LGI2: variants seen among roughly 807,000 people sequenced by gnomAD.
LGI2 encodes the protein leucine rich repeat LGI family member 2.
In LGI2, 30 loss-of-function variants were observed where a neutral mutation model predicts 52.0. The observed-to-expected ratio is 0.58, with a 90% CI of 0.43 to 0.78. The LOEUF (loss-of-function observed/expected upper bound fraction) is 0.78, where lower values mean the gene tolerates loss of function less well. Among genes scored for constraint, LGI2 ranks in the 30% least tolerant of loss-of-function variants. The pLI is 0.00. For synonymous variants in LGI2, 270 were observed against 271.8 expected (o/e 0.99, Z 0.06); for missense variants, 573 against 692.5 (o/e 0.83, Z 1.94).
chr4:25,028,959 T>G (rs1205173993), intron 1 of LGI2, among the ~76,000 whole-genome samples: 1 of 152,220 alleles, frequency 6.6e-6, no homozygotes, highest in Non-Finnish European at 1.5e-5. Context: ...TGTTGGCCTA[T>G]GAAATGCTGG....
rs140880706 is a variant in LGI2, at chr4:25,013,019, C to A, written c.656-520G>T. Among the ~76,000 whole-genome samples the A allele has an allele frequency of 4.7e-3, 717 of 152,286 alleles. 10 individuals are homozygous for A. Among genetic ancestry groups the A allele is most frequent in the African/African-American group, 0.016 (668 of 41,562 alleles). ...CCTTTATCTCCAGTTCTTATAAACCCTAGCTCGGGATTACCTGTCAGCAGA... is the reference window on the plus strand; with the variant it reads ...CCTTTATCTCCAGTTCTTATAAACCATAGCTCGGGATTACCTGTCAGCAGA... On this transcript the variant is annotated intron_variant, in intron 6 of 7. Transcript: ENST00000382114.
intron 4 of LGI2, among the ~76,000 whole-genome samples, chr4:25,021,307 T>C (rs1725949663): frequency 6.6e-6 from 1 of 152,242 alleles, no homozygotes; most frequent in Non-Finnish European, 1.5e-5. Context: ...TTGGGCTTCA[T>C]GGGACTGCTG....
chr4:25,012,560 A>G (rs1725624361), intron 6 of LGI2, 61 bp from the exon 7 acceptor site: 1 of 1,552,998 alleles, frequency 6.4e-7, no homozygotes, highest in Non-Finnish European at 8.8e-7. Flanking sequence ...ATTATCAACC[A>G]CCATCACCGT....
intron 6 of LGI2, among the ~76,000 whole-genome samples, chr4:25,017,647 C>T (rs771859937): frequency 6.6e-6 from 1 of 151,600 alleles, no homozygotes; most frequent in Non-Finnish European, 1.5e-5. Context: ...TAATCTAAGC[C>T]TCCCTGCAGT....
the LGI2 span, among the ~76,000 whole-genome samples, chr4:24,993,732 A>T: frequency 4.0e-4 from 61 of 152,216 alleles, no homozygotes; most frequent in Non-Finnish European, 8.1e-4. Flanking sequence ...GGCCAGCATG[A>T]CTATAAATCA....
intron 5 of LGI2, among the ~76,000 whole-genome samples, chr4:25,018,717 C>G (rs919818615): frequency 6.6e-6 from 1 of 152,094 alleles, no homozygotes; most frequent in African/African-American, 2.4e-5. Context: ...CAAAAATTAG[C>G]TGGGGGTAGT....
intron 7 of LGI2, among the ~76,000 whole-genome samples, chr4:25,005,791 G>A (rs1238057661): frequency 6.6e-6 from 1 of 152,114 alleles, no homozygotes; most frequent in East Asian, 1.9e-4. Flanking sequence ...AGAAAGAGTA[G>A]GATTAAACCT....
In LGI2 at chr4:25,030,697, C is replaced by G. The variant is rs1248807504; in HGVS notation, c.-4G>C. 14 of 1,343,480 alleles carry G rather than the reference C, an allele frequency of 1.0e-5. No individual in the cohort carries two copies. The highest frequency in any genetic ancestry group is 4.0e-5 in the Admixed American group (1 of 25,250). 83.2% of individuals were successfully genotyped at this position (1,343,480 alleles called of 1,614,324 possible). ...AGCCGCCTCTCCGCAGCGCCATGCC[C>G]GGTCCCCGCTCCCCGCCCGGGCCCC... On this transcript the variant is annotated 5_prime_UTR_variant, in exon 1 of 8. Coordinates refer to ENST00000382114, the MANE Select transcript of LGI2 (RefSeq NM_018176.4).
chr4:25,025,620 G>A (rs1034168661), intron 3 of LGI2, among the ~76,000 whole-genome samples: 2 of 152,144 alleles, frequency 1.3e-5, no homozygotes, highest in Non-Finnish European at 2.9e-5. Context: ...AATTCACTAC[G>A]ACTATTCTCT....
chr4:24,994,827 G>A (rs940307341), downstream of LGI2, among the ~76,000 whole-genome samples: 1 of 152,164 alleles, frequency 6.6e-6, no homozygotes, highest in Non-Finnish European at 1.5e-5. Flanking sequence ...AGGTGACAAA[G>A]ATGTCTCTGA....
rs573800369 is a variant in LGI2 at position 25,003,340 on chromosome 4, G to A, written c.*111C>T. On this transcript the variant is annotated 3_prime_UTR_variant, in exon 8 of 8. Transcript: ENST00000382114. The stretch of plus-strand genomic sequence containing the variant: ...TTTGAAAACATCTAACTATTTCAGT[G>A]CTTTTTAATTTCAGAGCTCTGAGCC... 117 of 765,990 alleles carry A rather than the reference G, an allele frequency of 1.5e-4. No individual in the cohort carries two copies. The African/African-American group carries it at 1.9e-3, about 12-fold the overall frequency. The allele number at this position is 765,990 out of a possible 1,614,324, so 47.4% of individuals were successfully genotyped here.
downstream of LGI2, among the ~76,000 whole-genome samples, chr4:24,997,962 C>G (rs1304671810): frequency 6.6e-6 from 1 of 152,182 alleles, no homozygotes; most frequent in Non-Finnish European, 1.5e-5. Flanking sequence ...ACTGCAGCCT[C>G]AAACTCCTGG....
At position 25,030,772 on chromosome 4, in the gene LGI2, G is replaced by C; in HGVS notation, c.-79C>G. 4.8e-6 allele frequency: 4 copies of C among 830,306 alleles called. No individual in the cohort carries two copies. Among genetic ancestry groups the C allele is most frequent in the Non-Finnish European group, 5.9e-6 (4 of 679,354 alleles). The allele number at this position is 830,306 out of a possible 1,614,324, so 51.4% of individuals were successfully genotyped here. On this transcript the variant is annotated 5_prime_UTR_variant, in exon 1 of 8. Coordinates refer to ENST00000382114, the MANE Select transcript of LGI2 (RefSeq NM_018176.4). ...TCGGACCCGGCGCCGCTGCAGACGC[G>C]GGCGCCGCTCGCTGCTCTGCCGCCG...
Position 25,025,033 on chromosome 4 carries a change from C to A in LGI2, c.342-142G>T, listed in dbSNP as rs748278075. The A allele has an allele frequency of 4.3e-5, 25 of 582,698 alleles. 1 individual carries two copies. The highest frequency in any genetic ancestry group is 5.6e-5 in the Non-Finnish European group (19 of 341,242). 36.1% of individuals were successfully genotyped at this position (582,698 alleles called of 1,614,324 possible). A position where few individuals can be genotyped will look rare whatever the true frequency, so the allele number is the denominator to read the frequency against. ...TCTCTGAAGACTAGGTCAGCTACAC[C>A]AAATTCCATGTGGTAGCAGGATGTA... On this transcript the variant is annotated intron_variant, in intron 3 of 7. Coordinates refer to ENST00000382114, the MANE Select transcript of LGI2 (RefSeq NM_018176.4).
downstream of LGI2, among the ~76,000 whole-genome samples, chr4:24,997,540 C>T (rs1725114035): frequency 6.6e-6 from 1 of 152,218 alleles, no homozygotes. Context: ...GGGTACTTCT[C>T]CTGACCTGAC....
chr4:25,018,230 C>T lies in LGI2; in HGVS notation c.486-72G>A, dbSNP rs74359570. 4.7e-3 allele frequency: 5,171 copies of T among 1,091,532 alleles called. 80 individuals carry two copies. Among genetic ancestry groups the T allele is most frequent in the East Asian group, 0.044 (1,741 of 39,482 alleles). 67.6% of individuals were successfully genotyped at this position (1,091,532 alleles called of 1,614,324 possible). On this transcript the variant is annotated intron_variant, in intron 5 of 7. Coordinates refer to ENST00000382114, the MANE Select transcript of LGI2 (RefSeq NM_018176.4). ...TGTCTGACATGTTTTGGTAGTAACA[C>T]GAAACTCCAGAATTATTAACATCCT...
chr4:25,000,666 T>G lies in LGI2; in HGVS notation c.*2785A>C, dbSNP rs1486693855. 3 of 152,184 alleles carry G rather than the reference T, an allele frequency of 2.0e-5. No individual in the cohort carries two copies. The highest frequency in any genetic ancestry group is 4.4e-5 in the Non-Finnish European group (3 of 68,048). The allele number at this position is 152,184 out of a possible 1,614,324, so 9.4% of individuals were successfully genotyped here. ...CAGTCCAGGAGCCTCGCCACAAAGT[T>G]CATAAAGAAGAAATAAGCTGAGCAG... On this transcript the variant is annotated 3_prime_UTR_variant, in exon 8 of 8. Coordinates refer to ENST00000382114, the MANE Select transcript of LGI2 (RefSeq NM_018176.4).
chr4:25,009,922 A>G (rs2109409673), intron 7 of LGI2, among the ~76,000 whole-genome samples: 1 of 152,272 alleles, frequency 6.6e-6, no homozygotes, highest in Admixed American at 6.5e-5. Flanking sequence ...GCATGAGTCA[A>G]CACGCCTGGC....
intron 7 of LGI2, among the ~76,000 whole-genome samples, chr4:25,008,532 G>A (rs190523202): frequency 1.3e-3 from 166 of 126,426 alleles, no homozygotes; most frequent in Middle Eastern, 6.9e-3. Flanking sequence ...CAGCCTGGGT[G>A]ACAAGAGTGA....
Sources: allele counts gnomAD v4.1 joint callset (sites outside exome capture counted in the v4.1 genomes callset), GRCh38; gene constraint gnomAD v4.1.1; transcripts MANE v1.5; gene names NCBI Gene and HGNC (gene_info 2026-07-23, HGNC 2026-07-21).